Variants in LARP4B observed in about 807,000 individuals in gnomAD.
LARP4B encodes the protein la-related protein 4B.
In LARP4B, 12 loss-of-function variants were observed where a neutral mutation model predicts 89.8. The observed-to-expected ratio is 0.13, with a 90% confidence interval of 0.09 to 0.22. The LOEUF is 0.22. Among genes scored for constraint, LARP4B ranks in the 10% least tolerant of loss-of-function variants. The probability of loss-of-function intolerance (pLI) is 1.00; values close to 1 mark genes in which losing one functional copy is unlikely to be tolerated. For missense variants in LARP4B, 757 were observed against 947.7 expected (o/e 0.80, Z 2.64); for synonymous variants, 367 against 363.3 (o/e 1.01, Z -0.12).
chr10:935,722 C>CTTTTTTTTTTTTTTT (rs10711022), upstream of LARP4B, among the ~76,000 whole-genome samples: 14 of 83,918 alleles, frequency 1.7e-4, no homozygotes, highest in Non-Finnish European at 2.6e-4. Context: ...CTTTTCTTTT[C>CTTTTTTTTTTTTTTT]TTTTTTTTTT....
At chr10:851,702 C>A (rs1452783751) in intron 5 of LARP4B, among the ~76,000 whole-genome samples, 2 of 152,108 alleles carry the variant, frequency 1.3e-5, no homozygotes, top group Non-Finnish European at 2.9e-5. Context: ...ACCAAAGCTC[C>A]CTCAAGAAGA....
At chr10:912,402 G>A (rs1315596110) in intron 1 of LARP4B, among the ~76,000 whole-genome samples, 1 of 152,074 alleles carries the variant, frequency 6.6e-6, no homozygotes, top group Admixed American at 6.6e-5. Flanking sequence ...CCAGGCCGAG[G>A]GTAGGACAGG....
At chr10:819,016 A>G (rs963274667) in intron 14 of LARP4B, 5 of 152,234 alleles carry the variant, frequency 3.3e-5, no homozygotes, top group African/African-American at 1.2e-4. Flanking sequence ...GCCTAATTTT[A>G]GCTTAGCTTT....
At chr10:872,522 C>A (rs376567386) in intron 3 of LARP4B, among the ~76,000 whole-genome samples, 1 of 152,180 alleles carries the variant, frequency 6.6e-6, no homozygotes, top group Non-Finnish European at 1.5e-5. Context: ...ATCATCAATA[C>A]CAACAGGGTT....
At chr10:862,054 GA>G (rs1244672306) in intron 5 of LARP4B, among the ~76,000 whole-genome samples, 3 of 152,064 alleles carry the variant, frequency 2.0e-5, no homozygotes, top group Admixed American at 6.6e-5. Flanking sequence ...TAACAAGGGG[GA>G]TGTAATCAAA....
At chr10:870,429 C>G (rs923812639) in intron 3 of LARP4B, among the ~76,000 whole-genome samples, 1 of 152,178 alleles carries the variant, frequency 6.6e-6, no homozygotes, top group Non-Finnish European at 1.5e-5. Context: ...GCGGGAATCC[C>G]CTGCGCTGCA....
chr10:961,731 CAGGCTCT>C, the LARP4B span, among the ~76,000 whole-genome samples: 3 of 152,272 alleles, frequency 2.0e-5, no homozygotes, highest in African/African-American at 7.2e-5. Flanking sequence ...GGGCAGGCAC[CAGGCTCT>C]TTTTAACAAT....
chr10:869,368 A>C (rs1835078557), intron 3 of LARP4B, among the ~76,000 whole-genome samples: 1 of 152,218 alleles, frequency 6.6e-6, no homozygotes, highest in Non-Finnish European at 1.5e-5. Flanking sequence ...CCAGGAAGAC[A>C]GAAGAGCTGG....
chr10:886,429 C>T (rs973162924), intron 1 of LARP4B, among the ~76,000 whole-genome samples: 3 of 152,142 alleles, frequency 2.0e-5, no homozygotes, highest in Non-Finnish European at 4.4e-5. Flanking sequence ...AATAGAACTA[C>T]CATATTATCC....
At chr10:930,687 G>A (rs1457693564) in intron 1 of LARP4B, among the ~76,000 whole-genome samples, 3 of 152,122 alleles carry the variant, frequency 2.0e-5, no homozygotes, top group Non-Finnish European at 4.4e-5. Flanking sequence ...ACCAACACAG[G>A]CAATCTTCAC....
chr10:917,965 C>G (rs1033372791), intron 1 of LARP4B, among the ~76,000 whole-genome samples: 2 of 152,090 alleles, frequency 1.3e-5, no homozygotes, highest in Non-Finnish European at 2.9e-5. Context: ...AACTATAGTA[C>G]CCATGTTATT....
At chr10:971,899 T>G in the LARP4B span, 1 of 154,508 alleles carries the variant, frequency 6.5e-6, no homozygotes, top group Non-Finnish European at 1.4e-5. Context: ...TGTAACCGTG[T>G]TGGGGCCTTT....
intron 1 of LARP4B, among the ~76,000 whole-genome samples, chr10:894,172 TATTATC>T (rs1178404358): frequency 1.3e-5 from 2 of 152,218 alleles, no homozygotes; most frequent in African/African-American, 4.8e-5. Context: ...TATTTTTCAG[TATTATC>T]ATTAAAACTG....
At chr10:975,061 ACAG>A in the LARP4B span, among the ~76,000 whole-genome samples, 22 of 152,244 alleles carry the variant, frequency 1.4e-4, no homozygotes, top group Non-Finnish European at 2.6e-4. Flanking sequence ...AGTCACCACC[ACAG>A]CAGATCAAAC....
chr10:915,527 G>A (rs962176263), intron 1 of LARP4B, among the ~76,000 whole-genome samples: 6 of 151,824 alleles, frequency 4.0e-5, no homozygotes, highest in Non-Finnish European at 5.9e-5. Flanking sequence ...TTTTTTGGCC[G>A]GGTGCAGTGG....
Position 832,201 on chromosome 10 carries a change from G to A in LARP4B, c.751-1224C>T, listed in dbSNP as rs369225915. On this transcript the variant is annotated intron_variant, in intron 8 of 17. Transcript: ENST00000316157. Reference sequence around the variant, plus strand: ...TGGGACTACAGGCACCCGCCACCGCGCCCGGCTAATTTTTTGTATTTTTAG... The same window carrying A: ...TGGGACTACAGGCACCCGCCACCGCACCCGGCTAATTTTTTGTATTTTTAG... Among the ~76,000 whole-genome samples the A allele has an allele frequency of 1.1e-4, 17 of 152,006 alleles. No individual in the cohort carries two copies. In the East Asian group the frequency reaches 1.9e-3, roughly 17 times the overall value.
chr10:842,547 C>T (rs1477282630), intron 7 of LARP4B, among the ~76,000 whole-genome samples: 3 of 152,220 alleles, frequency 2.0e-5, no homozygotes, highest in East Asian at 3.9e-4. Flanking sequence ...CGAACATAAA[C>T]AGGAAGTTGC....
upstream of LARP4B, among the ~76,000 whole-genome samples, chr10:934,431 A>C (rs1434473838): frequency 6.6e-6 from 1 of 152,044 alleles, no homozygotes; most frequent in African/African-American, 2.4e-5. Context: ...TTGAGGCTGC[A>C]GTGAGCTGTG....
the LARP4B span, among the ~76,000 whole-genome samples, chr10:951,459 C>G: frequency 6.6e-6 from 1 of 151,946 alleles, no homozygotes; most frequent in Non-Finnish European, 1.5e-5. Flanking sequence ...GCAACTAGAA[C>G]CGCTTGAACC....
Sources: allele counts gnomAD v4.1 joint callset (sites outside exome capture counted in the v4.1 genomes callset), GRCh38; gene constraint gnomAD v4.1.1; transcripts MANE v1.5; gene names NCBI Gene and HGNC (gene_info 2026-07-23, HGNC 2026-07-21).